Variants in LRP2 observed in about 807,000 individuals in gnomAD.
LRP2 encodes low-density lipoprotein receptor-related protein 2.
In LRP2, 172 loss-of-function variants were observed where a neutral mutation model predicts 531.0. That is an observed-to-expected ratio of 0.32 (90% CI 0.29 to 0.37). The LOEUF (loss-of-function observed/expected upper bound fraction) is 0.37, where lower values mean the gene tolerates loss of function less well. Among genes scored for constraint, LRP2 ranks in the 10% least tolerant of loss-of-function variants. The probability of loss-of-function intolerance (pLI) is 1.00; values close to 1 mark genes in which losing one functional copy is unlikely to be tolerated. For synonymous variants in LRP2, 1,992 were observed against 2,027.6 expected (o/e 0.98, Z 0.47); for missense variants, 5,167 against 5,868.3 (o/e 0.88, Z 3.90).
At chr2:169,312,925 C>A (rs941755535) in intron 3 of LRP2, among the ~76,000 whole-genome samples, 2 of 152,190 alleles carry the variant, frequency 1.3e-5, no homozygotes, top group Non-Finnish European at 2.9e-5. Context: ...TTTCTCTAAA[C>A]TGCTCTTCTC....
chr2:169,349,464 G>A (rs1685786057), intron 1 of LRP2, among the ~76,000 whole-genome samples: 1 of 152,216 alleles, frequency 6.6e-6, no homozygotes, highest in Non-Finnish European at 1.5e-5. Flanking sequence ...GAGGTGATGT[G>A]AAGGCCAAAT....
At chr2:169,321,367 G>A (rs1684903505) in intron 1 of LRP2, among the ~76,000 whole-genome samples, 1 of 151,296 alleles carries the variant, frequency 6.6e-6, no homozygotes, top group South Asian at 2.1e-4. Flanking sequence ...TTAAAAAATG[G>A]TTATGGAGAA....
At chr2:169,130,549 G>A (rs1280426550) in intron 77 of LRP2, among the ~76,000 whole-genome samples, 2 of 152,296 alleles carry the variant, frequency 1.3e-5, no homozygotes, top group African/African-American at 4.8e-5. Flanking sequence ...GCCTCCCAAA[G>A]AGCTGGGATT....
intron 3 of LRP2, among the ~76,000 whole-genome samples, chr2:169,309,767 A>C (rs896079082): frequency 6.6e-6 from 1 of 152,190 alleles, no homozygotes; most frequent in African/African-American, 2.4e-5. Flanking sequence ...GAAGAAAGTC[A>C]TTGGTAGCTT....
rs79702144 is a variant in LRP2, at chr2:169,196,835, G to A, written c.8698+76C>T. ...CATTCAGCAGCCATGACCCTGGTCT[G>A]TATTTGAAGCAGTTGGAAGAGACTG... On this transcript the variant is annotated intron_variant, in intron 46 of 78. Coordinates refer to ENST00000649046, the MANE Select transcript of LRP2 (RefSeq NM_004525.3). The A allele has an allele frequency of 1.6e-5, 26 of 1,596,394 alleles. No individual in the cohort carries two copies. The African/African-American group carries it at 3.3e-4, about 21-fold the overall frequency.
chr2:169,293,392 C>T (rs1684050356), intron 6 of LRP2, among the ~76,000 whole-genome samples: 1 of 152,098 alleles, frequency 6.6e-6, no homozygotes, highest in African/African-American at 2.4e-5. Flanking sequence ...CTGAAACTTT[C>T]AGGCTGGGCG....
At chr2:169,246,612 C>T in intron 21 of LRP2, 93 bp downstream of exon 21, 2 of 1,403,468 alleles carry the variant, frequency 1.4e-6, no homozygotes, top group South Asian at 2.4e-5. Context: ...GATATTTTTC[C>T]CATATAAATA....
At position 169,188,133 on chromosome 2, in the gene LRP2, A is replaced by T; in HGVS notation, c.9165T>A (p.Asn3055Lys). The change falls in exon 49 of 79, where the codon AAT (asparagine) becomes AAA (lysine). Residue 3055 changes from asparagine to lysine, a missense_variant. Around this residue, in one of 6 missense-constraint regions of LRP2, gnomAD observed 1,129 missense variants for 1,362.7 expected, o/e 0.83. Coordinates refer to ENST00000649046, the MANE Select transcript of LRP2 (RefSeq NM_004525.3). Reference sequence around the variant, plus strand: ...GCTCATCAGATCCGTCTCCACAGTCATTATCCTCATCACAGACGAAGGTTT... The same window carrying T: ...GCTCATCAGATCCGTCTCCACAGTCTTTATCCTCATCACAGACGAAGGTTT... ...ISKTFVCDED[N>K]DCGDGSDELM... 6.2e-7 allele frequency: 1 copy of T among 1,614,060 alleles called. No individual in the cohort carries two copies. Among genetic ancestry groups the T allele is most frequent in the Non-Finnish European group, 8.5e-7 (1 of 1,180,006 alleles).
chr2:169,285,582 G>T (rs920247123), intron 9 of LRP2, among the ~76,000 whole-genome samples: 1 of 151,852 alleles, frequency 6.6e-6, no homozygotes, highest in Non-Finnish European at 1.5e-5. Flanking sequence ...AACAAATACT[G>T]CTGTGAAAAT....
chr2:169,319,065 T>A lies in LRP2; in HGVS notation c.188-181A>T, dbSNP rs1301883313. ...AGTCAGAGTTCACTGTCAAATAAGC[T>A]CAGCAACAGCATCACAACAAACTCA... On this transcript the variant is annotated intron_variant, in intron 2 of 78. Transcript: ENST00000649046. Among the ~76,000 whole-genome samples the A allele has an allele frequency of 4.6e-5, 7 of 152,144 alleles. No homozygotes were observed. In the East Asian group the frequency reaches 1.3e-3, roughly 29 times the overall value.
intron 42 of LRP2, 113 bp from the exon 43 acceptor site, chr2:169,203,072 G>T (rs973993434): frequency 1.3e-5 from 11 of 844,020 alleles, no homozygotes; most frequent in African/African-American, 5.0e-5. Context: ...CCTAAGAAGC[G>T]CCATGGAAGT....
chr2:169,290,263 GCTTT>G (rs1683964921), intron 8 of LRP2, among the ~76,000 whole-genome samples: 1 of 79,530 alleles, frequency 1.3e-5, no homozygotes, highest in Admixed American at 1.8e-4. Context: ...GGAACCAGAA[GCTTT>G]TTTTTTTTTT....
At chr2:169,143,786 G>C (rs1200712456) in intron 70 of LRP2, among the ~76,000 whole-genome samples, 1 of 152,126 alleles carries the variant, frequency 6.6e-6, no homozygotes, top group Non-Finnish European at 1.5e-5. Context: ...TTCTACCTTA[G>C]CATGTATTAT....
At chr2:169,268,335 G>GAA (rs1179191467) in intron 16 of LRP2, among the ~76,000 whole-genome samples, 1 of 152,152 alleles carries the variant, frequency 6.6e-6, no homozygotes, top group Non-Finnish European at 1.5e-5. Context: ...TATCCCTGAT[G>GAA]AACATTGATG....
chr2:169,355,561 T>G lies in LRP2; in HGVS notation c.79+6760A>C, dbSNP rs138667496. 4.7e-3 allele frequency among the ~76,000 whole-genome samples: 717 copies of G among 152,280 alleles called. 5 individuals carry two copies. Among genetic ancestry groups the G allele is most frequent in the African/African-American group, 0.016 (685 of 41,544 alleles). ...TTCAGTGGTTGGTTCTCCAATGAGTTTATGACCTAAGTAGAGACCCTGAGA... is the reference window on the plus strand; with the variant it reads ...TTCAGTGGTTGGTTCTCCAATGAGTGTATGACCTAAGTAGAGACCCTGAGA... On this transcript the variant is annotated intron_variant, in intron 1 of 78. Coordinates refer to ENST00000649046, the MANE Select transcript of LRP2 (RefSeq NM_004525.3).
At chr2:169,158,857 C>A (rs12692893) in intron 63 of LRP2, among the ~76,000 whole-genome samples, 6,845 of 47,544 alleles carry the variant, frequency 0.14, 226 homozygotes, top group African/African-American at 0.26. Flanking sequence ...AAAAAAAAAA[C>A]AAAAAAAACA....
chr2:169,307,645 A>G (rs1250012176), intron 3 of LRP2, among the ~76,000 whole-genome samples: 3 of 152,224 alleles, frequency 2.0e-5, no homozygotes, highest in Non-Finnish European at 4.4e-5. Flanking sequence ...AAAGAATACA[A>G]TATAGATTTT....
intron 4 of LRP2, among the ~76,000 whole-genome samples, chr2:169,300,807 A>C (rs1684268810): frequency 6.6e-6 from 1 of 152,090 alleles, no homozygotes; most frequent in Non-Finnish European, 1.5e-5. Context: ...GAGAGAGAGA[A>C]TAGCAAGGGC....
At position 169,259,186 on chromosome 2, in the gene LRP2, T is replaced by C. The variant is rs1373180385; in HGVS notation, c.2352A>G (p.Glu784=). Residue 784 remains glutamate, a synonymous_variant, in exon 17 of 79, where the codon GAA becomes GAG. Transcript: ENST00000649046. Reference sequence around the variant, plus strand: ...AATCAAAAGCCAAACTTTCAACATTTTCCACCCTGTTAGCTGCGAGAATTT... The same window carrying C: ...AATCAAAAGCCAAACTTTCAACATTCTCCACCCTGTTAGCTGCGAGAATTT... ...GREILAANRV[E]NVESLAFDWI... 6.2e-7 allele frequency: 1 copy of C among 1,613,176 alleles called. No homozygotes were observed. The highest frequency in any genetic ancestry group is 1.3e-5 in the African/African-American group (1 of 74,848).
Sources: gnomAD v4.1 joint callset for allele counts (sites outside exome capture counted in the v4.1 genomes callset) on GRCh38, gnomAD v4.1.1 for gene constraint, gnomAD v4.1.1 regional missense constraint, MANE v1.5 for transcripts, NCBI Gene and HGNC (gene_info 2026-07-23, HGNC 2026-07-21) for gene names.